The following SERINC5 variants were observed in gnomAD, a reference collection of about 807,000 sequenced individuals.
SERINC5 encodes chromosome 5 open reading frame 12.
In SERINC5, 41 loss-of-function variants were observed where a neutral mutation model predicts 63.1. The observed-to-expected ratio is 0.65, with a 90% CI of 0.51 to 0.84. The LOEUF (loss-of-function observed/expected upper bound fraction) is 0.84. Ranked by LOEUF, SERINC5 falls within the 40% of genes least tolerant of loss-of-function variation. The probability of loss-of-function intolerance (pLI) is 0.00; values close to 1 mark genes in which losing one functional copy is unlikely to be tolerated. For synonymous variants in SERINC5, 222 were observed against 215.2 expected (o/e 1.03, Z -0.28); for missense variants, 523 against 573.0 (o/e 0.91, Z 0.89).
At chr5:80,220,779 G>C (rs544824205) in intron 1 of SERINC5, among the ~76,000 whole-genome samples, 2 of 152,108 alleles carry the variant, frequency 1.3e-5, no homozygotes, top group African/African-American at 2.4e-5. Context: ...CAATCAAGTA[G>C]TAACTGGAAA....
At chr5:80,221,970 C>T (rs1411037996) in intron 1 of SERINC5, among the ~76,000 whole-genome samples, 1 of 151,876 alleles carries the variant, frequency 6.6e-6, no homozygotes. Context: ...TGTGGGGAGA[C>T]ATCAGCTCTA....
At chr5:80,164,638 C>T (rs1049406397) in intron 7 of SERINC5, among the ~76,000 whole-genome samples, 1 of 152,122 alleles carries the variant, frequency 6.6e-6, no homozygotes, top group African/African-American at 2.4e-5. Context: ...CCTGCCTCAA[C>T]CTCCCAAAGT....
chr5:80,135,460 C>T (rs73772248), downstream of SERINC5, among the ~76,000 whole-genome samples: 15,224 of 152,172 alleles, frequency 0.1, 916 homozygotes, highest in East Asian at 0.21. Flanking sequence ...GACCCAAGAA[C>T]TAAAAAGACA....
At chr5:80,132,118 T>C (rs1744971008) in intron 11 of SERINC5, among the ~76,000 whole-genome samples, 1 of 152,224 alleles carries the variant, frequency 6.6e-6, no homozygotes, top group Non-Finnish European at 1.5e-5. Context: ...ATGTTCAACA[T>C]GCTCTGCACA....
At chr5:80,217,925 C>A (rs1278478985) in intron 1 of SERINC5, among the ~76,000 whole-genome samples, 1 of 152,074 alleles carries the variant, frequency 6.6e-6, no homozygotes, top group East Asian at 1.9e-4. Context: ...ATCAGTGGAG[C>A]ATCAAAAAAC....
intron 1 of SERINC5, among the ~76,000 whole-genome samples, chr5:80,214,378 TAGAAAA>T (rs1750569811): frequency 6.6e-6 from 1 of 152,252 alleles, no homozygotes; most frequent in East Asian, 1.9e-4. Flanking sequence ...ATCTTATAAT[TAGAAAA>T]ACATTACAGG....
chr5:80,112,983 T>A (rs1274760184), intron 12 of SERINC5, among the ~76,000 whole-genome samples: 2 of 152,160 alleles, frequency 1.3e-5, no homozygotes, highest in African/African-American at 4.8e-5. Flanking sequence ...ATGATTTTTT[T>A]AATAGCTGCA....
chr5:80,139,881 T>C lies in SERINC5; in HGVS notation c.*3782A>G, dbSNP rs1343982029. ...GGCCCTCTTTCGTTTCCAAGAGGTATAGGACACTAGAGTACACCAAATGAG... is the reference window on the plus strand; with the variant it reads ...GGCCCTCTTTCGTTTCCAAGAGGTACAGGACACTAGAGTACACCAAATGAG... On this transcript the variant is annotated 3_prime_UTR_variant, in exon 12 of 12. Transcript: ENST00000507668. 9 of 985,214 alleles carry C rather than the reference T, an allele frequency of 9.1e-6. No homozygotes were observed. Among genetic ancestry groups the C allele is most frequent in the Middle Eastern group, 5.2e-4 (1 of 1,936 alleles). The allele number at this position is 985,214 out of a possible 1,614,324, so 61.0% of individuals were successfully genotyped here.
chr5:80,162,166 T>C (rs1746975868), intron 7 of SERINC5, among the ~76,000 whole-genome samples: 2 of 152,204 alleles, frequency 1.3e-5, no homozygotes, highest in African/African-American at 4.8e-5. Flanking sequence ...CCTCCAAGTT[T>C]TGTTCTTTTT....
intron 12 of SERINC5, among the ~76,000 whole-genome samples, chr5:80,112,129 C>T (rs1326065102): frequency 6.6e-6 from 1 of 152,144 alleles, no homozygotes; most frequent in Non-Finnish European, 1.5e-5. Flanking sequence ...CAGCCCGACA[C>T]CCGTGAAGGG....
In SERINC5 at chr5:80,122,197, G is replaced by GTATATATATATATATATATATATA. The variant is rs10700420; in HGVS notation, c.1239-8573_1239-8572insTATATATATATATATATATATATA. Among the ~76,000 whole-genome samples, 256 of 116,668 alleles carry GTATATATATATATATATATATATA rather than the reference G, an allele frequency of 2.2e-3. 12 individuals carry two copies. Among genetic ancestry groups the GTATATATATATATATATATATATA allele is most frequent in the African/African-American group, 9.2e-3 (231 of 25,224 alleles). The allele number at this position is 116,668 out of a possible 152,430, so 76.5% of individuals were successfully genotyped here. On this transcript the variant is annotated intron_variant, in intron 11 of 12. Coordinates refer to the SERINC5 transcript ENST00000509193. ...CTTCTCTAGAGGGACAGAACTAATAGTATATATATATATATAATATGAGTT... is the reference window on the plus strand; with the variant it reads ...CTTCTCTAGAGGGACAGAACTAATAGTATATATATATATATATATATATATATATATATATATATAATATGAGTT...
intron 1 of SERINC5, among the ~76,000 whole-genome samples, chr5:80,250,616 A>C (rs969476737): frequency 6.6e-6 from 1 of 152,174 alleles, no homozygotes; most frequent in East Asian, 1.9e-4. Context: ...GTGAGCCACC[A>C]TGCCCGGCCT....
chr5:80,137,438 A>C (rs1745252521), downstream of SERINC5, among the ~76,000 whole-genome samples: 1 of 150,374 alleles, frequency 6.7e-6, no homozygotes, highest in South Asian at 2.1e-4. Context: ...CAGGAGTTCG[A>C]GACCAGCCTG....
intron 2 of SERINC5, among the ~76,000 whole-genome samples, chr5:80,182,315 C>T (rs766253453): frequency 4.6e-5 from 7 of 152,130 alleles, no homozygotes; most frequent in Non-Finnish European, 8.8e-5. Flanking sequence ...ATTTCAAGCT[C>T]GTTATTCTGA....
rs960198739 is a variant in SERINC5 at position 80,139,771 on chromosome 5, C to G, written c.*3892G>C. The G allele has an allele frequency of 1.0e-6, 1 of 985,318 alleles. No homozygotes were observed. The highest frequency in any genetic ancestry group is 1.2e-6 in the Non-Finnish European group (1 of 829,956). 61.0% of individuals were successfully genotyped at this position (985,318 alleles called of 1,614,324 possible). A position where few individuals can be genotyped will look rare whatever the true frequency, so the allele number is the denominator to read the frequency against. On this transcript the variant is annotated 3_prime_UTR_variant, in exon 12 of 12. Transcript: ENST00000507668. Reference sequence around the variant, plus strand: ...ACAAGCCAAGTGGCTACTGCATTGTCCCTGAAGAAGGAGGGCCCAGTGTTC... The same window carrying G: ...ACAAGCCAAGTGGCTACTGCATTGTGCCTGAAGAAGGAGGGCCCAGTGTTC...
chr5:80,177,369 C>T lies in SERINC5; in HGVS notation c.403G>A (p.Gly135Arg). The T allele has an allele frequency of 6.2e-7, 1 of 1,613,578 alleles. No homozygotes were observed. Among genetic ancestry groups the T allele is most frequent in the East Asian group, 2.2e-5 (1 of 44,874 alleles). ...AAGAAAGCTCCTGAGCACATGGCCC[C>T]CAACAGCAGAAGTTTAAAGAACCAA... ...GFWFFKLLLL[G>R]AMCSGAFFIP... Residue 135 changes from glycine (G) to arginine (R), a missense_variant, in exon 4 of 12, where the codon GGG (glycine) becomes AGG (arginine). Coordinates refer to ENST00000507668, the MANE Select transcript of SERINC5 (RefSeq NM_001174072.3).
downstream of SERINC5, among the ~76,000 whole-genome samples, chr5:80,137,156 A>AAAAAAAAC (rs1360562783): frequency 1.8e-4 from 19 of 104,388 alleles, no homozygotes; most frequent in African/African-American, 6.1e-4. Context: ...AAAAAAAAAA[A>AAAAAAAAC]AAAAAAACAA....
At chr5:80,118,588 C>T (rs1378850104) in intron 11 of SERINC5, among the ~76,000 whole-genome samples, 3 of 152,022 alleles carry the variant, frequency 2.0e-5, no homozygotes, top group Non-Finnish European at 4.4e-5. Flanking sequence ...CACTCTGTCC[C>T]CCAGGATGGA....
intron 2 of SERINC5, among the ~76,000 whole-genome samples, chr5:80,182,559 G>T (rs1221789649): frequency 1.4e-5 from 1 of 71,314 alleles, no homozygotes. Context: ...CCCCCCCTCC[G>T]CTTTTTTTTA....
Sources: gnomAD v4.1 joint callset for allele counts (sites outside exome capture counted in the v4.1 genomes callset) on GRCh38, gnomAD v4.1.1 for gene constraint, MANE v1.5 for transcripts, NCBI Gene and HGNC (gene_info 2026-07-23, HGNC 2026-07-21) for gene names.